The following NKAIN2 variants were observed in gnomAD, a reference collection of about 807,000 sequenced individuals.
NKAIN2 encodes the protein sodium/potassium-transporting ATPase subunit beta-1-interacting protein 2.
NKAIN2 carries 14 observed loss-of-function variants against 32.6 expected under a neutral mutation model. That is an observed-to-expected ratio of 0.43 (90% CI 0.28 to 0.67). The LOEUF (loss-of-function observed/expected upper bound fraction) is 0.67. Ranked by LOEUF, NKAIN2 falls within the 30% of genes least tolerant of loss-of-function variation. NKAIN2 has a pLI of 0.17. For missense variants in NKAIN2, 198 were observed against 258.3 expected, an observed-to-expected ratio of 0.77 and a Z score of 1.60; for synonymous variants, 80 against 87.2, an observed-to-expected ratio of 0.92 and a Z score of 0.46.
intron 3 of NKAIN2, among the ~76,000 whole-genome samples, chr6:124,515,249 T>A (rs1326555542): frequency 4.6e-5 from 7 of 152,080 alleles, no homozygotes; most frequent in African/African-American, 1.7e-4. Context: ...TTAGGCTGGG[T>A]AATTTATAAA....
At chr6:124,532,864 T>G (rs1394240638) in intron 3 of NKAIN2, among the ~76,000 whole-genome samples, 2 of 152,172 alleles carry the variant, frequency 1.3e-5, no homozygotes, top group Admixed American at 6.5e-5. Flanking sequence ...GTTCCTCACC[T>G]GGGTGTTTTA....
At chr6:124,629,308 A>AACTT (rs1583549147) in intron 3 of NKAIN2, among the ~76,000 whole-genome samples, 2 of 152,220 alleles carry the variant, frequency 1.3e-5, no homozygotes, top group East Asian at 3.9e-4. Context: ...CTGCACCAAA[A>AACTT]ACTTACTTTT....
chr6:124,342,237 TAA>T (rs532210636), intron 2 of NKAIN2, among the ~76,000 whole-genome samples: 2 of 143,196 alleles, frequency 1.4e-5, no homozygotes. Flanking sequence ...CCGTGTCTAC[TAA>T]AAAAAAAAAA....
chr6:124,263,794 A>G (rs761275338), intron 1 of NKAIN2, among the ~76,000 whole-genome samples: 4 of 151,580 alleles, frequency 2.6e-5, no homozygotes, highest in Non-Finnish European at 4.4e-5. Context: ...CTTTTAAGAC[A>G]GGTAGTTCTT....
At chr6:124,023,214 A>T (rs1383791136) in intron 1 of NKAIN2, among the ~76,000 whole-genome samples, 2 of 151,844 alleles carry the variant, frequency 1.3e-5, no homozygotes, top group Admixed American at 6.6e-5. Flanking sequence ...TTAAACACAC[A>T]CACACACGCA....
chr6:124,278,692 C>CATATATATATAT (rs1795156931), intron 1 of NKAIN2, among the ~76,000 whole-genome samples: 2 of 57,712 alleles, frequency 3.5e-5, no homozygotes, highest in Non-Finnish European at 7.5e-5. Flanking sequence ...TATATATATG[C>CATATATATATAT]TATTATATGA....
At chr6:124,078,059 A>G (rs532736947) in intron 1 of NKAIN2, among the ~76,000 whole-genome samples, 1 of 152,108 alleles carries the variant, frequency 6.6e-6, no homozygotes, top group East Asian at 1.9e-4. Context: ...TCATAATTTC[A>G]TTTTCATTTA....
At chr6:124,077,244 A>G (rs932251580) in intron 1 of NKAIN2, among the ~76,000 whole-genome samples, 1 of 152,212 alleles carries the variant, frequency 6.6e-6, no homozygotes, top group Non-Finnish European at 1.5e-5. Flanking sequence ...AACCACTCCC[A>G]CACATACCCA....
chr6:124,757,749 A>G (rs945992823), intron 4 of NKAIN2, among the ~76,000 whole-genome samples: 13 of 152,210 alleles, frequency 8.5e-5, no homozygotes, highest in Admixed American at 8.5e-4. Context: ...GAAATGAGGC[A>G]ATCTAATGAG....
At chr6:124,014,551 A>T (rs1582931010) in intron 1 of NKAIN2, among the ~76,000 whole-genome samples, 1 of 152,212 alleles carries the variant, frequency 6.6e-6, no homozygotes, top group East Asian at 1.9e-4. Context: ...TTATAAAAAT[A>T]TCTAAACTCA....
chr6:124,025,501 T>G (rs1781066762), intron 1 of NKAIN2, among the ~76,000 whole-genome samples: 1 of 152,074 alleles, frequency 6.6e-6, no homozygotes, highest in South Asian at 2.1e-4. Context: ...AGAGTGAATG[T>G]CCTAAAGGAG....
At chr6:124,282,123 T>A in intron 1 of NKAIN2, 1 of 245,114 alleles carries the variant, frequency 4.1e-6, no homozygotes, top group Admixed American at 5.7e-5. Flanking sequence ...AAAATGGTAC[T>A]TCCGGACTAC....
intron 1 of NKAIN2, among the ~76,000 whole-genome samples, chr6:123,995,795 C>A (rs1248332910): frequency 6.6e-6 from 1 of 152,120 alleles, no homozygotes; most frequent in Non-Finnish European, 1.5e-5. Flanking sequence ...AAATATTTCA[C>A]AAGTTCACTA....
intron 3 of NKAIN2, among the ~76,000 whole-genome samples, chr6:124,421,978 T>C (rs1419734708): frequency 2.0e-5 from 3 of 152,146 alleles, no homozygotes; most frequent in Admixed American, 2.0e-4. Context: ...GGGTGACATA[T>C]TCTGGTCCCC....
In NKAIN2 at chr6:124,151,411, G is replaced by C. The variant is rs9491073; in HGVS notation, c.55-131594G>C. Among the ~76,000 whole-genome samples the C allele has an allele frequency of 5.5e-3, 834 of 152,042 alleles. 8 individuals carry two copies. The highest frequency in any genetic ancestry group is 0.019 in the African/African-American group (809 of 41,488). ...TTAGATCCTCCTTTCTCCCTTCCAT[G>C]TATATGGACTCTTGGATGCATATGT... On this transcript the variant is annotated intron_variant, in intron 1 of 6. Coordinates refer to ENST00000368417, the MANE Select transcript of NKAIN2 (RefSeq NM_001040214.3).
chr6:124,373,247 G>A (rs1039646163), intron 3 of NKAIN2, among the ~76,000 whole-genome samples: 2 of 152,090 alleles, frequency 1.3e-5, no homozygotes, highest in African/African-American at 4.8e-5. Flanking sequence ...TAGGAAGGGA[G>A]TGATCAGGTT....
chr6:124,587,247 T>C (rs1485120137), intron 3 of NKAIN2, among the ~76,000 whole-genome samples: 1 of 152,112 alleles, frequency 6.6e-6, no homozygotes, highest in Non-Finnish European at 1.5e-5. Context: ...CTCTTTTTTT[T>C]TGAGATGGAG....
chr6:123,957,756 A>G (rs1361800032), intron 1 of NKAIN2, among the ~76,000 whole-genome samples: 1 of 152,212 alleles, frequency 6.6e-6, no homozygotes, highest in Non-Finnish European at 1.5e-5. Flanking sequence ...GCCTTATTAA[A>G]TTAATGTATT....
intron 5 of NKAIN2, among the ~76,000 whole-genome samples, chr6:124,793,591 T>C (rs1342359947): frequency 6.6e-6 from 1 of 151,572 alleles, no homozygotes; most frequent in East Asian, 2.0e-4. Flanking sequence ...TGACATACCA[T>C]GTCTCCTACA....
Sources: allele counts gnomAD v4.1 joint callset (sites outside exome capture counted in the v4.1 genomes callset), GRCh38; gene constraint gnomAD v4.1.1; transcripts MANE v1.5; gene names NCBI Gene and HGNC (gene_info 2026-07-23, HGNC 2026-07-21).